ZNF414: variants seen among roughly 807,000 people sequenced by gnomAD.
The protein encoded by ZNF414 is zinc finger protein 414.
Under a neutral mutation model 38.3 loss-of-function variants are expected in ZNF414, and 32 were observed. The ratio of observed to expected loss-of-function variants is 0.83; its 90% CI spans 0.63 to 1.12. ZNF414 has a LOEUF of 1.12. ZNF414 is among the 50% of genes most tolerant of loss of function. The pLI is 0.00. For missense variants in ZNF414, 589 were observed against 557.4 expected (o/e 1.06, Z -0.57); for synonymous variants, 256 against 248.0 (o/e 1.03, Z -0.30).
At chr19:8,512,206 G>T in intron 4 of ZNF414, 181 bp downstream of exon 4, 1 of 1,433,560 alleles carries the variant, frequency 7.0e-7, no homozygotes, top group South Asian at 1.5e-5. Context: ...AAGCCTGGCT[G>T]GGTGGGGCCA....
In ZNF414 at chr19:8,512,670, A is replaced by G; in HGVS notation, c.358T>C (p.Phe120Leu). ...TGTGCCAGGTCACGGACGCTGGGAA[A>G]ACTGAGGCAGCAGCCAGGGCTGGAG... is the stretch of plus-strand genomic sequence containing the variant. ...PCSSPGCCLS[F>L]PSVRDLAQHL... The change falls in exon 3 of 8, where the codon TTT becomes CTT. Residue 120 changes from phenylalanine to leucine, a missense_variant. Physicochemically the swap from Phe to Leu is conservative, Grantham distance 22. Coordinates refer to ENST00000393927, the MANE Select transcript of ZNF414 (RefSeq NM_001146175.2). 6.3e-7 allele frequency: 1 copy of G among 1,583,520 alleles called. No homozygotes were observed. Among genetic ancestry groups the G allele is most frequent in the Non-Finnish European group, 8.6e-7 (1 of 1,165,540 alleles).
chr19:8,513,281 C>T lies in ZNF414; in HGVS notation c.64G>A (p.Glu22Lys), dbSNP rs755626274. 8.8e-6 allele frequency: 14 copies of T among 1,596,570 alleles called. No homozygotes were observed. The highest frequency in any genetic ancestry group is 1.0e-5 in the Non-Finnish European group (12 of 1,178,688). ...GGGGACAACACCTCCTTGTCGGTCT[C>T]ACTGGAGCTGGGCTCTGCAGTGGCC... ...MLATAEPSSS[E>K]TDKEVLSPAV... The change falls in exon 2 of 8, where the codon GAG becomes AAG. Residue 22 changes from glutamate (E) to lysine (K), a missense_variant. Physicochemically the swap from Glu to Lys is moderately conservative, Grantham distance 56 (BLOSUM62 1). Transcript: ENST00000393927.
intron 1 of ZNF414, 33 bp from the exon 2 acceptor site, chr19:8,513,374 T>C (rs1971946909): frequency 6.5e-7 from 1 of 1,532,212 alleles, no homozygotes. Context: ...AGAACCCTTC[T>C]GGGCTCTGGG....
chr19:8,512,817 A>G, intron 2 of ZNF414, 106 bp from the exon 3 acceptor site: 1 of 1,221,518 alleles, frequency 8.2e-7, no homozygotes, highest in Admixed American at 3.0e-5. Flanking sequence ...TGGGGCCTTT[A>G]CTCTCTGCCT....
chr19:8,514,030 G>A lies in ZNF414; in HGVS notation c.3+14C>T. The A allele has an allele frequency of 2.1e-6, 3 of 1,460,100 alleles. No individual in the cohort carries two copies. Among genetic ancestry groups the A allele is most frequent in the Admixed American group, 2.4e-5 (1 of 41,046 alleles). 90.4% of individuals were successfully genotyped at this position (1,460,100 alleles called of 1,614,324 possible). A position where few individuals can be genotyped will look rare whatever the true frequency, so the allele number is the denominator to read the frequency against. Reference sequence around the variant, plus strand: ...GCAGCTCCGCCGCGCCCGCGACCCCGGTGCCGCGCTCACCATCTTCGACAC... The same window carrying A: ...GCAGCTCCGCCGCGCCCGCGACCCCAGTGCCGCGCTCACCATCTTCGACAC... On this transcript the variant is annotated intron_variant, in intron 1 of 7. Coordinates refer to ENST00000393927, the MANE Select transcript of ZNF414 (RefSeq NM_001146175.2).
chr19:8,512,955 G>A (rs1024506430), intron 2 of ZNF414, 74 bp downstream of exon 2: 55 of 1,414,734 alleles, frequency 3.9e-5, no homozygotes, highest in Middle Eastern at 2.0e-4. Context: ...AGGCCCTGAG[G>A]TTAGAGATTC....
At chr19:8,513,677 G>A (rs565435279) in intron 1 of ZNF414, among the ~76,000 whole-genome samples, 1 of 152,288 alleles carries the variant, frequency 6.6e-6, no homozygotes, top group Non-Finnish European at 1.5e-5. Context: ...CACAAGCGTG[G>A]CCTAGAGGGA....
In ZNF414 at chr19:8,512,412, GCA is replaced by G; in HGVS notation, c.503_504del (p.Leu168ProfsTer11). On this transcript the variant is annotated frameshift_variant, in exon 4 of 8. Transcript: ENST00000393927. LOFTEE classifies it high-confidence loss of function. ...SMQELVAHSK[L>X]HYKPNRYFKC... ...TTGAAGTAGCGATTGGGTTTGTAGT[GCA>G]GTTTGCTGTGAGCCACCAGCTCCTG... 6.2e-7 allele frequency: 1 copy of G among 1,614,196 alleles called. No homozygotes were observed. The highest frequency in any genetic ancestry group is 2.2e-5 in the East Asian group (1 of 44,880).
At chr19:8,513,973 A>G in intron 1 of ZNF414, 71 bp downstream of exon 1, 1 of 1,359,140 alleles carries the variant, frequency 7.4e-7, no homozygotes, top group Non-Finnish European at 9.5e-7. Context: ...CGGAGGCTGT[A>G]GGCGCGACAG....
In ZNF414 at chr19:8,514,099, G is replaced by A. The variant is rs1442711391; in HGVS notation, c.-53C>T. On this transcript the variant is annotated 5_prime_UTR_variant, in exon 1 of 8. Coordinates refer to ENST00000393927, the MANE Select transcript of ZNF414 (RefSeq NM_001146175.2). Reference sequence around the variant, plus strand: ...TGCGGCTCCGGCGGCTGCAGCTTAGGCGGCGGCCACCCTCTGGGCAGTGCG... The same window carrying A: ...TGCGGCTCCGGCGGCTGCAGCTTAGACGGCGGCCACCCTCTGGGCAGTGCG... 1.6e-5 allele frequency: 24 copies of A among 1,456,866 alleles called. No homozygotes were observed. Among genetic ancestry groups the A allele is most frequent in the Non-Finnish European group, 2.0e-5 (22 of 1,106,296 alleles). The allele number at this position is 1,456,866 out of a possible 1,614,324, so 90.2% of individuals were successfully genotyped here. A position where few individuals can be genotyped will look rare whatever the true frequency, so the allele number is the denominator to read the frequency against.
At chr19:8,512,262 T>A in intron 4 of ZNF414, 125 bp downstream of exon 4, 1 of 1,464,210 alleles carries the variant, frequency 6.8e-7, no homozygotes, top group South Asian at 1.3e-5. Flanking sequence ...GGGCGGGGCT[T>A]CCCCAAAGGC....
At position 8,511,662 on chromosome 19, in the gene ZNF414, G is replaced by T; in HGVS notation, c.829C>A (p.Pro277Thr). 6.6e-7 allele frequency: 1 copy of T among 1,505,052 alleles called. No individual in the cohort carries two copies. The highest frequency in any genetic ancestry group is 1.3e-5 in the South Asian group (1 of 76,020). 93.2% of individuals were successfully genotyped at this position (1,505,052 alleles called of 1,614,324 possible). A position where few individuals can be genotyped will look rare whatever the true frequency, so the allele number is the denominator to read the frequency against. Residue 277 changes from proline (P) to threonine (T), a missense_variant, in exon 5 of 8, where the codon CCC becomes ACC. Transcript: ENST00000393927. ...GCGGCGCTGGAAGCCGGCGGCCCGG[G>T]TGCAGCGGCCAGGAAGGGGCGCAGG... ...PRLRPFLAAAPGPPASSAAVW... is the reference protein window; with the variant it reads ...PRLRPFLAAATGPPASSAAVW...
At chr19:8,511,431 C>T in intron 6 of ZNF414, 55 bp downstream of exon 6, 1 of 1,590,798 alleles carries the variant, frequency 6.3e-7, no homozygotes, top group Non-Finnish European at 8.5e-7. Context: ...CCAGACCCCG[C>T]AGGGCGCAGG....
chr19:8,512,298 A>G, intron 4 of ZNF414, 89 bp downstream of exon 4: 3 of 1,553,402 alleles, frequency 1.9e-6, no homozygotes, highest in Non-Finnish European at 2.7e-6. Context: ...CCCGCCCTCC[A>G]ACACCCTGAC....
At chr19:8,512,059 C>A in intron 4 of ZNF414, 99 bp from the exon 5 acceptor site, 1 of 1,396,456 alleles carries the variant, frequency 7.2e-7, no homozygotes, top group Non-Finnish European at 9.3e-7. Context: ...GGGAACGGAG[C>A]CTGGGCACTA....
Position 8,510,893 on chromosome 19 carries a change from C to CG in ZNF414, c.1056dup (p.Ala353ArgfsTer74). The CG allele has an allele frequency of 8.7e-7, 1 of 1,154,958 alleles. No homozygotes were observed. Among genetic ancestry groups the CG allele is most frequent in the Non-Finnish European group, 1.1e-6 (1 of 935,910 alleles). The allele number at this position is 1,154,958 out of a possible 1,614,324, so 71.5% of individuals were successfully genotyped here. On this transcript the variant is annotated frameshift_variant, in exon 7 of 8. Coordinates refer to ENST00000393927, the MANE Select transcript of ZNF414 (RefSeq NM_001146175.2). LOFTEE classifies it low-confidence loss of function (END_TRUNC). The stretch of plus-strand genomic sequence containing the variant: ...CGCGGCGGCCCGGCCGCGGGGGCCG[C>CG]GGGGGCGCCGGGGCGGTGGTCCTCC...
chr19:8,510,334 G>T lies in ZNF414; in HGVS notation c.*357C>A. 5.3e-6 allele frequency: 1 copy of T among 189,396 alleles called. No homozygotes were observed. Among genetic ancestry groups the T allele is most frequent in the Non-Finnish European group, 1.1e-5 (1 of 94,084 alleles). The allele number at this position is 189,396 out of a possible 1,614,324, so 11.7% of individuals were successfully genotyped here. A position where few individuals can be genotyped will look rare whatever the true frequency, so the allele number is the denominator to read the frequency against. ...AAAAAAAAAAAAAAAGAAAACTGGA[G>T]AGTCCCCATCCCATTTGGTTTCTGG... On this transcript the variant is annotated 3_prime_UTR_variant, in exon 8 of 8. Coordinates refer to ENST00000393927, the MANE Select transcript of ZNF414 (RefSeq NM_001146175.2).
chr19:8,514,106 C>A lies in ZNF414; in HGVS notation c.-60G>T. ...CCGGCGGCTGCAGCTTAGGCGGCGG[C>A]CACCCTCTGGGCAGTGCGAGTTCGC... On this transcript the variant is annotated 5_prime_UTR_variant, in exon 1 of 8. Coordinates refer to ENST00000393927, the MANE Select transcript of ZNF414 (RefSeq NM_001146175.2). The A allele has an allele frequency of 6.9e-7, 1 of 1,450,594 alleles. No homozygotes were observed. Among genetic ancestry groups the A allele is most frequent in the Non-Finnish European group, 9.1e-7 (1 of 1,103,462 alleles). The allele number at this position is 1,450,594 out of a possible 1,614,324, so 89.9% of individuals were successfully genotyped here.
Position 8,510,881 on chromosome 19 carries a change from C to G in ZNF414, c.1069G>C (p.Ala357Pro), listed in dbSNP as rs3111564. Residue 357 changes from alanine to proline, a missense_variant, in exon 7 of 8, where the codon GCC (alanine) becomes CCC (proline). By Grantham distance (27) the Ala-to-Pro change is conservative (BLOSUM62 -1). Coordinates refer to ENST00000393927, the MANE Select transcript of ZNF414 (RefSeq NM_001146175.2). Reference protein sequence around the residue: ...HRPGAPAAPAAGPPRPDAPAD... With the variant: ...HRPGAPAAPAPGPPRPDAPAD... ...GGGGCGTCGGGGCGCGGCGGCCCGG[C>G]CGCGGGGGCCGCGGGGGCGCCGGGG... The G allele has an allele frequency of 0.18, 198,947 of 1,114,226 alleles. 17,899 individuals are homozygous for G. Among genetic ancestry groups the G allele is most frequent in the African/African-American group, 0.28 (16,927 of 59,914 alleles). The allele number at this position is 1,114,226 out of a possible 1,614,324, so 69.0% of individuals were successfully genotyped here.
Sources: allele counts gnomAD v4.1 joint callset (sites outside exome capture counted in the v4.1 genomes callset), GRCh38; gene constraint gnomAD v4.1.1; transcripts MANE v1.5; gene names NCBI Gene and HGNC (gene_info 2026-07-23, HGNC 2026-07-21).